POFUT3: variants seen among roughly 807,000 people sequenced by gnomAD.
POFUT3 encodes the protein GDP-fucose protein O-fucosyltransferase 3.
chr8:33,374,526 G>C, the POFUT3 span, among the ~76,000 whole-genome samples: 1 of 152,178 alleles, frequency 6.6e-6, no homozygotes, highest in Non-Finnish European at 1.5e-5. Context: ...TCCTAGCGCA[G>C]ACAGAGGATG....
chr8:33,308,834 A>T, the POFUT3 span, among the ~76,000 whole-genome samples: 37 of 151,992 alleles, frequency 2.4e-4, no homozygotes, highest in Non-Finnish European at 4.7e-4. Flanking sequence ...ACTCCACCGA[A>T]GCTTCATGAG....
the POFUT3 span, among the ~76,000 whole-genome samples, chr8:33,314,304 A>G: frequency 1.3e-5 from 2 of 152,276 alleles, no homozygotes; most frequent in African/African-American, 2.4e-5. Flanking sequence ...TGACAATTCA[A>G]CCACGTGGGA....
At chr8:33,351,700 T>C in the POFUT3 span, among the ~76,000 whole-genome samples, 1 of 152,164 alleles carries the variant, frequency 6.6e-6, no homozygotes, top group South Asian at 2.1e-4. Flanking sequence ...CGATATTTCT[T>C]TGTAGCAACA....
At chr8:33,405,289 T>C in the POFUT3 span, among the ~76,000 whole-genome samples, 1 of 151,304 alleles carries the variant, frequency 6.6e-6, no homozygotes, top group Non-Finnish European at 1.5e-5. Flanking sequence ...CAAGACTCCG[T>C]CTCAAAAAAA....
chr8:33,375,744 T>C, the POFUT3 span, among the ~76,000 whole-genome samples: 1 of 152,014 alleles, frequency 6.6e-6, no homozygotes, highest in African/African-American at 2.4e-5. Context: ...AGGCCAGGTG[T>C]GGTGGCTCAT....
the POFUT3 span, among the ~76,000 whole-genome samples, chr8:33,444,845 A>G: frequency 6.6e-6 from 1 of 151,898 alleles, no homozygotes; most frequent in Admixed American, 6.6e-5. Flanking sequence ...ACTATTATTT[A>G]TTTAAATAAA....
At chr8:33,385,789 C>T in the POFUT3 span, among the ~76,000 whole-genome samples, 1 of 152,056 alleles carries the variant, frequency 6.6e-6, no homozygotes, top group East Asian at 1.9e-4. Flanking sequence ...GAGGCTGAGG[C>T]AGGAGAATCA....
At chr8:33,385,725 T>C in the POFUT3 span, among the ~76,000 whole-genome samples, 2 of 148,126 alleles carry the variant, frequency 1.4e-5, no homozygotes, top group East Asian at 2.0e-4. Context: ...GTACTAAAAA[T>C]ACAAAAAAAT....
At chr8:33,434,737 AC>A in the POFUT3 span, among the ~76,000 whole-genome samples, 1 of 151,832 alleles carries the variant, frequency 6.6e-6, no homozygotes, top group Non-Finnish European at 1.5e-5. Context: ...GGAGGTTCCA[AC>A]CCTCCCTAGA....
the POFUT3 span, among the ~76,000 whole-genome samples, chr8:33,332,496 AAAAAAG>A: frequency 8.5e-4 from 129 of 151,494 alleles, no homozygotes; most frequent in African/African-American, 3.1e-3. Context: ...AAGAAAAAAA[AAAAAAG>A]AAGAAGAAGA....
chr8:33,379,842 A>AT, the POFUT3 span, among the ~76,000 whole-genome samples: 42 of 35,664 alleles, frequency 1.2e-3, no homozygotes, highest in Admixed American at 3.6e-3. Context: ...TCTAAAAAAA[A>AT]AAAAATATAT....
the POFUT3 span, among the ~76,000 whole-genome samples, chr8:33,463,504 CAA>C: frequency 6.6e-5 from 9 of 136,298 alleles, no homozygotes; most frequent in Non-Finnish European, 8.0e-5. Flanking sequence ...GACTGCGTCT[CAA>C]AAAAAAAAAA....
chr8:33,345,884 G>A, the POFUT3 span, among the ~76,000 whole-genome samples: 9 of 149,736 alleles, frequency 6.0e-5, no homozygotes, highest in East Asian at 2.0e-4. Context: ...GGAGTGCAAC[G>A]GGGTGATCTT....
the POFUT3 span, among the ~76,000 whole-genome samples, chr8:33,462,987 T>TA: frequency 2.0e-5 from 3 of 151,710 alleles, no homozygotes; most frequent in Non-Finnish European, 4.4e-5. Flanking sequence ...ATCCCTATGA[T>TA]ATTCTATGAA....
chr8:33,374,060 G>A, the POFUT3 span, among the ~76,000 whole-genome samples: 1 of 152,200 alleles, frequency 6.6e-6, no homozygotes, highest in East Asian at 1.9e-4. Context: ...GAGGTGAGCA[G>A]CATGCATGTG....
chr8:33,367,443 C>T, the POFUT3 span, among the ~76,000 whole-genome samples: 2 of 152,182 alleles, frequency 1.3e-5, no homozygotes, highest in Non-Finnish European at 2.9e-5. Flanking sequence ...AGAAACAATG[C>T]TAATGACTGG....
chr8:33,439,102 T>C, the POFUT3 span, among the ~76,000 whole-genome samples: 1 of 152,188 alleles, frequency 6.6e-6, no homozygotes, highest in Non-Finnish European at 1.5e-5. Flanking sequence ...TTTCCACTTA[T>C]TGAATAGAAA....
the POFUT3 span, among the ~76,000 whole-genome samples, chr8:33,384,406 T>G: frequency 6.6e-6 from 1 of 152,292 alleles, no homozygotes; most frequent in East Asian, 1.9e-4. Flanking sequence ...CTAAAATCCT[T>G]TTACTCGAGA....
At chr8:33,462,594 T>C in the POFUT3 span, among the ~76,000 whole-genome samples, 1 of 152,196 alleles carries the variant, frequency 6.6e-6, no homozygotes, top group Non-Finnish European at 1.5e-5. Flanking sequence ...AAAATTTTCA[T>C]CTATCTGAAA....
Sources: gnomAD v4.1 joint callset for allele counts (sites outside exome capture counted in the v4.1 genomes callset) on GRCh38, gnomAD v4.1.1 for gene constraint, MANE v1.5 for transcripts, NCBI Gene and HGNC (gene_info 2026-07-23, HGNC 2026-07-21) for gene names.